The following EEF2K variants were observed in gnomAD, a reference collection of about 807,000 sequenced individuals.
EEF2K encodes alternative protein EEF2K.
Under a neutral mutation model 93.8 loss-of-function variants are expected in EEF2K, and 70 were observed. That is an observed-to-expected ratio of 0.75 (90% CI 0.62 to 0.91). The LOEUF is 0.91. Among genes scored for constraint, EEF2K ranks in the 40% least tolerant of loss-of-function variants. EEF2K has a pLI of 0.00. For synonymous variants in EEF2K, 376 were observed against 380.8 expected (o/e 0.99, Z 0.15); for missense variants, 935 against 972.9 (o/e 0.96, Z 0.52).
chr16:22,271,694 G>A (rs1484491818), intron 15 of EEF2K, among the ~76,000 whole-genome samples: 1 of 151,302 alleles, frequency 6.6e-6, no homozygotes, highest in African/African-American at 2.4e-5. Context: ...AAAAGATCAA[G>A]ACCCTGTCTC....
At position 22,241,810 on chromosome 16, in the gene EEF2K, A is replaced by AT. The variant is rs537900705; in HGVS notation, c.247-2814dup. ...ATAGAAGAAAAGAATTACAGGCTTT[A>AT]TTTTTTGAACTCTGCAGAGGTAAAA... On this transcript the variant is annotated intron_variant, in intron 2 of 17. Coordinates refer to ENST00000263026, the MANE Select transcript of EEF2K (RefSeq NM_013302.5). Among the ~76,000 whole-genome samples the AT allele has an allele frequency of 3.9e-3, 592 of 152,086 alleles. 2 individuals carry two copies. Among genetic ancestry groups the AT allele is most frequent in the Non-Finnish European group, 6.8e-3 (460 of 67,984 alleles).
chr16:22,281,143 T>C (rs1330165788), intron 17 of EEF2K, among the ~76,000 whole-genome samples: 2 of 151,820 alleles, frequency 1.3e-5, no homozygotes, highest in Admixed American at 6.6e-5. Context: ...GCCAGACTGG[T>C]CTTGAACTCC....
intron 2 of EEF2K, among the ~76,000 whole-genome samples, chr16:22,239,521 G>A (rs758110626): frequency 3.3e-5 from 5 of 152,154 alleles, no homozygotes; most frequent in Non-Finnish European, 5.9e-5. Flanking sequence ...TTTAAGTTAC[G>A]GGGATTGGGC....
intron 1 of EEF2K, among the ~76,000 whole-genome samples, chr16:22,222,890 T>TAGAC (rs949959648): frequency 2.7e-5 from 4 of 150,704 alleles, no homozygotes; most frequent in African/African-American, 9.8e-5. Flanking sequence ...CTCAGATAGA[T>TAGAC]AGATAGTACA....
intron 15 of EEF2K, among the ~76,000 whole-genome samples, chr16:22,269,416 T>C (rs2047555369): frequency 6.6e-6 from 1 of 152,188 alleles, no homozygotes; most frequent in South Asian, 2.1e-4. Flanking sequence ...TATAACTATT[T>C]TTTTTTTTTC....
intron 3 of EEF2K, among the ~76,000 whole-genome samples, 177 bp from the exon 4 acceptor site, chr16:22,248,578 G>C (rs908662024): frequency 1.3e-5 from 2 of 152,182 alleles, no homozygotes; most frequent in African/African-American, 4.8e-5. Context: ...TTGGGACGTG[G>C]GAGGGAGGGA....
At chr16:22,228,185 G>A (rs757001119) in intron 2 of EEF2K, among the ~76,000 whole-genome samples, 6 of 151,952 alleles carry the variant, frequency 3.9e-5, no homozygotes, top group Non-Finnish European at 8.8e-5. Flanking sequence ...CATTATAGGT[G>A]CTTAATAAGT....
intron 17 of EEF2K, among the ~76,000 whole-genome samples, chr16:22,281,832 A>C (rs1413047592): frequency 6.6e-6 from 1 of 152,212 alleles, no homozygotes; most frequent in Non-Finnish European, 1.5e-5. Context: ...TTACTACATA[A>C]TATTCCATTG....
chr16:22,255,623 G>A (rs939382890), intron 6 of EEF2K, among the ~76,000 whole-genome samples: 1 of 152,198 alleles, frequency 6.6e-6, no homozygotes, highest in Non-Finnish European at 1.5e-5. Context: ...GCTGAGCACA[G>A]TGGCTGCAGC....
At position 22,215,900 on chromosome 16, in the gene EEF2K, G is replaced by C. The variant is rs1005214275; in HGVS notation, c.-77+9221G>C. 7.2e-5 allele frequency among the ~76,000 whole-genome samples: 11 copies of C among 152,160 alleles called. 1 individual carries two copies. The highest frequency in any genetic ancestry group is 2.7e-4 in the African/African-American group (11 of 41,430). The stretch of plus-strand genomic sequence containing the variant: ...AGATCACGCCACTGCACTCCAGCCT[G>C]GGTAACAGAGGGAGACTCCATCTCA... On this transcript the variant is annotated intron_variant, in intron 1 of 17. Transcript: ENST00000263026.
Position 22,250,634 on chromosome 16 carries a change from C to T in EEF2K, c.409-20C>T. On this transcript the variant is annotated intron_variant, in intron 4 of 17. Transcript: ENST00000263026. ...GGGTGGGGCATGGGGACTGATAACA[C>T]TCTGTGTGGTGTCTTTCAGCCCTTC... 7 of 1,614,162 alleles carry T rather than the reference C, an allele frequency of 4.3e-6. No individual in the cohort carries two copies. Among genetic ancestry groups the T allele is most frequent in the Non-Finnish European group, 5.9e-6 (7 of 1,180,006 alleles).
At position 22,286,220 on chromosome 16, in the gene EEF2K, A is replaced by T. The variant is rs550899588; in HGVS notation, c.*2224A>T. ...CTTTTGTCATCTGTACCAGATCAGT[A>T]GTTGGCTTGTGTTACATTTTGTGTG... is the stretch of plus-strand genomic sequence containing the variant. On this transcript the variant is annotated 3_prime_UTR_variant, in exon 18 of 18. Transcript: ENST00000263026. The T allele has an allele frequency of 2.6e-5, 4 of 152,304 alleles. No individual in the cohort carries two copies. The East Asian group carries it at 7.7e-4, about 29-fold the overall frequency. The allele number at this position is 152,304 out of a possible 1,614,324, so 9.4% of individuals were successfully genotyped here.
In EEF2K at chr16:22,266,733, G is replaced by A. The variant is rs763978928; in HGVS notation, c.1621G>A (p.Glu541Lys). Residue 541 changes from glutamate (E) to lysine (K), a missense_variant, in exon 15 of 18, where the codon GAG becomes AAG. Physicochemically the swap from Glu to Lys is moderately conservative, Grantham distance 56. Coordinates refer to ENST00000263026, the MANE Select transcript of EEF2K (RefSeq NM_013302.5). ...CTACCACGAGGGTGGGCGCTTCTGC[G>A]AGAAGGGCGAGGAGTGGGACCAGGA... ...VRYHEGGRFC[E>K]KGEEWDQESA... is the part of the protein sequence containing the mutation. 16 of 1,614,024 alleles carry A rather than the reference G, an allele frequency of 9.9e-6. No homozygotes were observed. The highest frequency in any genetic ancestry group is 2.2e-5 in the South Asian group (2 of 91,032).
rs374798801 is a variant in EEF2K, at chr16:22,266,671, C to G, written c.1576-17C>G. 7 of 1,600,790 alleles carry G rather than the reference C, an allele frequency of 4.4e-6. No homozygotes were observed. The highest frequency in any genetic ancestry group is 6.0e-6 in the Non-Finnish European group (7 of 1,172,750). Reference sequence around the variant, plus strand: ...GCCCGCCAGACAGCCAGGCCGACACCGTAGTCTGTGTGGCAGGTCCATCTG... The same window carrying G: ...GCCCGCCAGACAGCCAGGCCGACACGGTAGTCTGTGTGGCAGGTCCATCTG... On this transcript the variant is annotated splice_polypyrimidine_tract_variant and intron_variant, in intron 14 of 17. Transcript: ENST00000263026.
intron 11 of EEF2K, among the ~76,000 whole-genome samples, chr16:22,262,529 G>T (rs2047475948): frequency 6.6e-6 from 1 of 152,096 alleles, no homozygotes; most frequent in Non-Finnish European, 1.5e-5. Flanking sequence ...ATAAAAATGT[G>T]TGGTTTTGGT....
chr16:22,273,696 C>G lies in EEF2K; in HGVS notation c.1835C>G (p.Ser612Cys), dbSNP rs1388789029. Residue 612 changes from serine (S) to cysteine (C), a missense_variant, in exon 16 of 18, where the codon TCC (serine) becomes TGC (cysteine). Coordinates refer to ENST00000263026, the MANE Select transcript of EEF2K (RefSeq NM_013302.5). Reference protein sequence around the residue: ...LKAAEAGDRQSMILVARAFDS... With the variant: ...LKAAEAGDRQCMILVARAFDS... Reference sequence around the variant, plus strand: ...GCCGCTGAAGCTGGCGACAGGCAGTCCATGATCCTAGTGGCGCGAGCTTTT... The same window carrying G: ...GCCGCTGAAGCTGGCGACAGGCAGTGCATGATCCTAGTGGCGCGAGCTTTT... 6 of 1,614,034 alleles carry G rather than the reference C, an allele frequency of 3.7e-6. No individual in the cohort carries two copies. In the Admixed American group the frequency reaches 5.0e-5, roughly 13 times the overall value.
chr16:22,269,633 C>G (rs2141682467), intron 15 of EEF2K, among the ~76,000 whole-genome samples: 1 of 152,154 alleles, frequency 6.6e-6, no homozygotes, highest in South Asian at 2.1e-4. Context: ...AACTCTTGGC[C>G]TCAGGTGATT....
chr16:22,270,976 T>C (rs2047575197), intron 15 of EEF2K, among the ~76,000 whole-genome samples: 1 of 149,772 alleles, frequency 6.7e-6, no homozygotes, highest in South Asian at 2.1e-4. Flanking sequence ...TTTTTCTTTT[T>C]TTTTTTTTTT....
intron 1 of EEF2K, among the ~76,000 whole-genome samples, chr16:22,208,689 CAGG>C (rs2046887276): frequency 6.6e-6 from 1 of 151,834 alleles, no homozygotes. Context: ...TGCTTGACCC[CAGG>C]AGTTCAAGAC....
Sources: gnomAD v4.1 joint callset for allele counts (sites outside exome capture counted in the v4.1 genomes callset) on GRCh38, gnomAD v4.1.1 for gene constraint, MANE v1.5 for transcripts, NCBI Gene and HGNC (gene_info 2026-07-23, HGNC 2026-07-21) for gene names.